Variants in SLC9D1 observed in about 807,000 individuals in gnomAD.
SLC9D1 encodes the protein putative LAG1-interacting protein.
At chr13:113,494,915 C>A in the SLC9D1 span, among the ~76,000 whole-genome samples, 1 of 151,876 alleles carries the variant, frequency 6.6e-6, no homozygotes, top group East Asian at 1.9e-4. Flanking sequence ...CAGAGTTTTG[C>A]TGTTGTTGCC....
the SLC9D1 span, among the ~76,000 whole-genome samples, chr13:113,546,599 G>A: frequency 6.0e-4 from 91 of 152,258 alleles, 1 homozygote; most frequent in African/African-American, 2.1e-3. The surrounding 1 kb of genome is among the most constrained non-coding windows in gnomAD (Gnocchi z 7.1). Context: ...GGCCTGCTCC[G>A]TGCACCTAAC....
At chr13:113,515,026 C>T in the SLC9D1 span, among the ~76,000 whole-genome samples, 1 of 152,188 alleles carries the variant, frequency 6.6e-6, no homozygotes, top group Non-Finnish European at 1.5e-5. Context: ...CCCTGGCAGA[C>T]ATTTTTAACC....
the SLC9D1 span, among the ~76,000 whole-genome samples, chr13:113,525,728 TCTG>T: frequency 6.6e-6 from 1 of 151,960 alleles, no homozygotes; most frequent in Non-Finnish European, 1.5e-5. Context: ...AGACGACAGC[TCTG>T]TGCCGGTTAT....
the SLC9D1 span, among the ~76,000 whole-genome samples, chr13:113,523,519 T>G: frequency 6.5e-4 from 99 of 152,330 alleles, 1 homozygote; most frequent in South Asian, 0.02. Flanking sequence ...TCATTGCTTA[T>G]GTTGATAACT....
At chr13:113,499,021 T>C in the SLC9D1 span, among the ~76,000 whole-genome samples, 1 of 152,330 alleles carries the variant, frequency 6.6e-6, no homozygotes, top group Non-Finnish European at 1.5e-5. Context: ...GATTACATGC[T>C]AAGCAAGGGG....
At chr13:113,526,490 G>A in the SLC9D1 span, among the ~76,000 whole-genome samples, 9 of 151,972 alleles carry the variant, frequency 5.9e-5, no homozygotes, top group African/African-American at 1.9e-4. Flanking sequence ...AGGCCAAGGC[G>A]GGAGGATTGC....
the SLC9D1 span, among the ~76,000 whole-genome samples, chr13:113,508,338 G>C: frequency 2.0e-5 from 3 of 152,252 alleles, no homozygotes; most frequent in African/African-American, 4.8e-5. Context: ...CAGAATTAGA[G>C]CTGGCTAACA....
chr13:113,510,454 C>T, the SLC9D1 span: 1 of 1,590,582 alleles, frequency 6.3e-7, no homozygotes, highest in South Asian at 1.1e-5. Context: ...GAGTGCGTGT[C>T]TAATTCATGC....
At chr13:113,540,447 T>C in the SLC9D1 span, among the ~76,000 whole-genome samples, 1 of 152,246 alleles carries the variant, frequency 6.6e-6, no homozygotes, top group Non-Finnish European at 1.5e-5. Flanking sequence ...TGTGAGATGG[T>C]ATCTCATTGT....
At chr13:113,547,142 G>A in the SLC9D1 span, 7 of 645,964 alleles carry the variant, frequency 1.1e-5, no homozygotes, top group Non-Finnish European at 1.9e-5. Context: ...GAAAGGGGCG[G>A]CTTTTTAGCA....
the SLC9D1 span, among the ~76,000 whole-genome samples, chr13:113,531,470 C>T: frequency 2.2e-4 from 33 of 149,522 alleles, no homozygotes; most frequent in East Asian, 5.2e-3. Flanking sequence ...GCGCCCTGTA[C>T]ATACAGATCA....
the SLC9D1 span, chr13:113,530,738 A>G: frequency 6.6e-6 from 1 of 152,268 alleles, no homozygotes; most frequent in Non-Finnish European, 1.5e-5. Flanking sequence ...AGAAGGCTGT[A>G]ATAAAGCAAA....
chr13:113,491,021 G>C, the SLC9D1 span: 2 of 164,260 alleles, frequency 1.2e-5, no homozygotes, highest in African/African-American at 4.8e-5. Flanking sequence ...GCGGCTGGGC[G>C]GGAGTCCGGG....
the SLC9D1 span, among the ~76,000 whole-genome samples, chr13:113,515,372 CAT>C: frequency 6.6e-6 from 1 of 152,164 alleles, no homozygotes; most frequent in African/African-American, 2.4e-5. Context: ...CTGAACTTTA[CAT>C]ACATGCAAAC....
the SLC9D1 span, chr13:113,548,476 C>G: frequency 6.3e-7 from 1 of 1,591,784 alleles, no homozygotes; most frequent in African/African-American, 1.4e-5. Flanking sequence ...CCCCGCGGAG[C>G]GCTTCTCGGG....
the SLC9D1 span, chr13:113,549,450 C>G: frequency 1.9e-6 from 3 of 1,613,872 alleles, no homozygotes; most frequent in Non-Finnish European, 2.5e-6. Flanking sequence ...CTGAGTGTGA[C>G]CACGCTCAGC....
chr13:113,495,709 C>G, the SLC9D1 span: 2 of 1,613,106 alleles, frequency 1.2e-6, no homozygotes, highest in Non-Finnish European at 1.7e-6. Context: ...GGGGTGGCTG[C>G]CATGCAGAGC....
the SLC9D1 span, chr13:113,501,995 A>G: frequency 1.2e-6 from 1 of 815,594 alleles, no homozygotes; most frequent in Non-Finnish European, 1.9e-6. Context: ...CGTATAAACC[A>G]TTTCAAAGAT....
At chr13:113,520,483 C>G in the SLC9D1 span, 2 of 364,940 alleles carry the variant, frequency 5.5e-6, no homozygotes, top group Non-Finnish European at 9.2e-6. Flanking sequence ...AACTCCATCT[C>G]AAAAAAAAAA....
Sources: gnomAD v4.1 joint callset for allele counts (sites outside exome capture counted in the v4.1 genomes callset) on GRCh38, gnomAD v4.1.1 for gene constraint, Gnocchi (gnomAD v3.1) non-coding constraint, MANE v1.5 for transcripts, NCBI Gene and HGNC (gene_info 2026-07-23, HGNC 2026-07-21) for gene names.